The following MTMR8 variants were observed in gnomAD, a reference collection of about 807,000 sequenced individuals.
MTMR8 encodes the protein phosphatidylinositol-3,5-bisphosphate 3-phosphatase MTMR8.
A neutral mutation model predicts 39.3 loss-of-function variants in MTMR8; 65 were observed. The ratio of observed to expected loss-of-function variants is 1.65; its 90% CI spans 1.35 to 2.03. The LOEUF is 2.03. MTMR8 is among the 30% of genes most tolerant of loss of function. MTMR8 has a pLI of 0.00. For missense variants in MTMR8, 777 were observed against 538.9 expected (o/e 1.44, Z -4.37); for synonymous variants, 245 against 185.2 (o/e 1.32, Z -2.62).
intron 12 of MTMR8, among the ~76,000 whole-genome samples, chrX:64,296,166 C>T (rs750453971): frequency 9.0e-6 from 1 of 111,623 alleles, no homozygotes; most frequent in Non-Finnish European, 1.9e-5. Flanking sequence ...CATGGATGGA[C>T]CCTGAAAACA....
intron 2 of MTMR8, among the ~76,000 whole-genome samples, chrX:64,358,845 A>ACG (rs1923697608): frequency 1.0e-5 from 1 of 97,936 alleles, no homozygotes; most frequent in Admixed American, 1.1e-4. Flanking sequence ...CCGTGCATGC[A>ACG]CACACACACA....
At chrX:64,390,531 C>T (rs183154427) in intron 1 of MTMR8, among the ~76,000 whole-genome samples, 3 of 112,174 alleles carry the variant, frequency 2.7e-5, no homozygotes, top group African/African-American at 9.7e-5. Flanking sequence ...AAAACTCTAG[C>T]TCTCTGGACT....
At position 64,360,801 on chromosome X, in the gene MTMR8, A is replaced by G. The variant is rs866057486; in HGVS notation, c.25-1274T>C. On this transcript the variant is annotated intron_variant, in intron 1 of 13. Transcript: ENST00000374852. The stretch of plus-strand genomic sequence containing the variant: ...TGAAGGACAGAGTTAAACAAGAACT[A>G]AGAAGTAAATGTATAGTAGTAAGTA... 1.7e-4 allele frequency among the ~76,000 whole-genome samples: 19 copies of G among 112,082 alleles called. 1 individual carries two copies. The highest frequency in any genetic ancestry group is 8.5e-3 in the Middle Eastern group (2 of 235).
intron 12 of MTMR8, among the ~76,000 whole-genome samples, chrX:64,281,449 G>T (rs1048290041): frequency 6.3e-5 from 7 of 111,865 alleles, no homozygotes; most frequent in Non-Finnish European, 1.3e-4. Flanking sequence ...AAGTAATGGA[G>T]AAAGGATTCC....
chrX:64,328,144 G>A (rs1375421808), intron 12 of MTMR8, among the ~76,000 whole-genome samples: 1 of 111,677 alleles, frequency 9.0e-6, no homozygotes, highest in South Asian at 3.7e-4. Flanking sequence ...CCTAAAATCA[G>A]GAACAGGACA....
chrX:64,297,402 T>C (rs1921653386), intron 12 of MTMR8, among the ~76,000 whole-genome samples: 1 of 103,788 alleles, frequency 9.6e-6, no homozygotes, highest in African/African-American at 3.5e-5. Context: ...TCTGTTCATG[T>C]CCTTCACCCA....
At position 64,361,922 on chromosome X, in the gene MTMR8, A is replaced by C. The variant is rs754521040; in HGVS notation, c.25-2395T>G. On this transcript the variant is annotated intron_variant, in intron 1 of 13. Coordinates refer to ENST00000374852, the MANE Select transcript of MTMR8 (RefSeq NM_017677.4). Reference sequence around the variant, plus strand: ...AGAAGGTAATCATTCAACTAGAAAAAAATGAAAGAAAAGAATCAACCAAAC... The same window carrying C: ...AGAAGGTAATCATTCAACTAGAAAACAATGAAAGAAAAGAATCAACCAAAC... Among the ~76,000 whole-genome samples, 3 of 111,242 alleles carry C rather than the reference A, an allele frequency of 2.7e-5. No homozygotes were observed. The South Asian group carries it at 1.1e-3, about 42-fold the overall frequency.
intron 1 of MTMR8, among the ~76,000 whole-genome samples, chrX:64,374,044 G>A (rs1429924532): frequency 8.9e-6 from 1 of 111,867 alleles, no homozygotes; most frequent in Non-Finnish European, 1.9e-5. Context: ...TTTTTTGAAT[G>A]CCTACTATGT....
At chrX:64,393,781 GA>G (rs1924753066) in intron 1 of MTMR8, among the ~76,000 whole-genome samples, 1 of 112,001 alleles carries the variant, frequency 8.9e-6, no homozygotes, top group Non-Finnish European at 1.9e-5. Context: ...GAGGGAGTCA[GA>G]AAAAAAGGTT....
intron 1 of MTMR8, among the ~76,000 whole-genome samples, chrX:64,375,094 T>C (rs1569231642): frequency 9.5e-6 from 1 of 105,788 alleles, no homozygotes; most frequent in Non-Finnish European, 1.9e-5. Context: ...CTGTGGTGGC[T>C]CACACTTGTA....
rs1489169248 is a variant in MTMR8 at position 64,395,378 on chromosome X, C to A, written c.-15G>T. On this transcript the variant is annotated 5_prime_UTR_variant, in exon 1 of 14. Coordinates refer to ENST00000374852, the MANE Select transcript of MTMR8 (RefSeq NM_017677.4). ...ATATGATCCATGACTGCAGTTCCCG[C>A]CACCGGAAGATCTCAGTGCTACTCC... is the stretch of plus-strand genomic sequence containing the variant. The A allele has an allele frequency of 8.3e-7, 1 of 1,206,827 alleles. No individual in the cohort carries two copies. The highest frequency in any genetic ancestry group is 1.1e-6 in the Non-Finnish European group (1 of 893,767).
intron 12 of MTMR8, among the ~76,000 whole-genome samples, chrX:64,283,815 C>T (rs753047506): frequency 4.5e-5 from 5 of 112,101 alleles, no homozygotes; most frequent in African/African-American, 1.6e-4. Context: ...ACAACAAAAC[C>T]CCATCTGTAT....
In MTMR8 at chrX:64,278,459, G is replaced by GTT. The variant is rs1931928205; in HGVS notation, c.1482-7387_1482-7386insAA. 6.8e-4 allele frequency among the ~76,000 whole-genome samples: 34 copies of GTT among 49,855 alleles called. 11 individuals are homozygous for GTT. Among genetic ancestry groups the GTT allele is most frequent in the African/African-American group, 3.7e-3 (32 of 8,740 alleles). The allele number at this position is 49,855 out of a possible 115,157, so 43.3% of individuals were successfully genotyped here. On this transcript the variant is annotated intron_variant, in intron 12 of 13. Coordinates refer to ENST00000374852, the MANE Select transcript of MTMR8 (RefSeq NM_017677.4). ...TGATGTTGATGCTATTTATTTTGCTGGTTTTTTTTTTTTTTTTTTTTTTTT... is the reference window on the plus strand; with the variant it reads ...TGATGTTGATGCTATTTATTTTGCTGTTGTTTTTTTTTTTTTTTTTTTTTTTT...
At chrX:64,382,195 G>C (rs1425815540) in intron 1 of MTMR8, among the ~76,000 whole-genome samples, 1 of 111,737 alleles carries the variant, frequency 8.9e-6, no homozygotes, top group Non-Finnish European at 1.9e-5. Context: ...ACCTTGGGCA[G>C]TATAGCCATT....
Position 64,350,040 on chromosome X carries a change from C to G in MTMR8, c.499G>C (p.Val167Leu). ...ICSTYPPEIV[V>L]PKSVTLGTVV... is the part of the protein sequence containing the mutation. ...GTTCCCAAGGTAACAGATTTAGGAA[C>G]CACTATTTCAGGAGGGTAGGTGCTG... The change falls in exon 5 of 14, where the codon GTT (valine) becomes CTT (leucine). Residue 167 changes from valine (V) to leucine (L), a missense_variant. By Grantham distance (32) the Val-to-Leu change is conservative. Coordinates refer to ENST00000374852, the MANE Select transcript of MTMR8 (RefSeq NM_017677.4). The G allele has an allele frequency of 8.5e-7, 1 of 1,181,286 alleles. No individual in the cohort carries two copies. The highest frequency in any genetic ancestry group is 1.1e-6 in the Non-Finnish European group (1 of 877,607).
chrX:64,381,118 G>A (rs1422113858), intron 1 of MTMR8, among the ~76,000 whole-genome samples: 2 of 111,981 alleles, frequency 1.8e-5, no homozygotes, highest in Non-Finnish European at 3.8e-5. Flanking sequence ...CCAGTAATGG[G>A]ATGGCTGGGT....
chrX:64,295,441 C>T (rs1921542829), intron 12 of MTMR8, among the ~76,000 whole-genome samples: 1 of 111,344 alleles, frequency 9.0e-6, no homozygotes. Context: ...ACACTAAAAG[C>T]ACAGGCAACA....
chrX:64,319,316 T>A (rs1922562323), intron 12 of MTMR8, among the ~76,000 whole-genome samples: 1 of 112,609 alleles, frequency 8.9e-6, no homozygotes, highest in Non-Finnish European at 1.9e-5. Flanking sequence ...CTTTGTCAGA[T>A]GAGTAGATTG....
chrX:64,276,069 C>G (rs1191135541), intron 12 of MTMR8, among the ~76,000 whole-genome samples: 2 of 111,846 alleles, frequency 1.8e-5, no homozygotes, highest in Middle Eastern at 4.7e-3. Context: ...TTTGATTCTT[C>G]TCTCTTTTCT....
Sources: gnomAD v4.1 joint callset for allele counts (sites outside exome capture counted in the v4.1 genomes callset) on GRCh38, gnomAD v4.1.1 for gene constraint, MANE v1.5 for transcripts, NCBI Gene and HGNC (gene_info 2026-07-23, HGNC 2026-07-21) for gene names.